PSMD2: variants seen among roughly 807,000 people sequenced by gnomAD.
The protein encoded by PSMD2 is proteasome 26S subunit ubiquitin receptor, non-ATPase 2.
A neutral mutation model predicts 101.5 loss-of-function variants in PSMD2; 8 were observed. That is an observed-to-expected ratio of 0.08 (90% confidence interval 0.05 to 0.14). The LOEUF (loss-of-function observed/expected upper bound fraction) is 0.14, where lower values mean the gene tolerates loss of function less well. Ranked by LOEUF, PSMD2 falls within the 10% of genes least tolerant of loss-of-function variation. The pLI is 1.00. For synonymous variants in PSMD2, 418 were observed against 433.8 expected (o/e 0.96, Z 0.45); for missense variants, 784 against 1,147.4 (o/e 0.68, Z 4.58).
chr3:184,303,709 A>T lies in PSMD2; in HGVS notation c.1283A>T (p.Gln428Leu), dbSNP rs749050091. Residue 428 changes from glutamine (Q) to leucine (L), a missense_variant, in exon 10 of 21, where the codon CAG becomes CTG. Gln to Leu is a moderately radical substitution (Grantham distance 113). This residue lies in a region of PSMD2 where 37 missense variants were observed against 107.0 expected (regional missense o/e 0.35). Coordinates refer to ENST00000310118, the MANE Select transcript of PSMD2 (RefSeq NM_002808.5). Reference sequence around the variant, plus strand: ...TGGGATGTGGATGGTGGCCTCACCCAGATTGACAAGTACCTGTACTCCTCT... The same window carrying T: ...TGGGATGTGGATGGTGGCCTCACCCTGATTGACAAGTACCTGTACTCCTCT... Reference protein sequence around the residue: ...LLWDVDGGLTQIDKYLYSSED... With the variant: ...LLWDVDGGLTLIDKYLYSSED... 5.6e-6 allele frequency: 9 copies of T among 1,614,248 alleles called. No homozygotes were observed. The South Asian group carries it at 9.9e-5, about 18-fold the overall frequency.
intron 3 of PSMD2, 92 bp from the exon 4 acceptor site, chr3:184,301,445 C>G: frequency 6.8e-7 from 1 of 1,480,702 alleles, no homozygotes; most frequent in South Asian, 1.2e-5. Flanking sequence ...GTAGTTAGTT[C>G]AGTTTCGGAG....
intron 2 of PSMD2, 31 bp downstream of exon 2, chr3:184,299,938 A>C (rs1280631236): frequency 6.3e-7 from 1 of 1,596,272 alleles, no homozygotes; most frequent in Non-Finnish European, 8.6e-7. Flanking sequence ...GATTCGGTGC[A>C]TGTTTGGATC....
rs1470875538 is a variant in PSMD2, at chr3:184,309,045, C to T, written c.*155C>T. 2.6e-6 allele frequency: 2 copies of T among 765,520 alleles called. No individual in the cohort carries two copies. The highest frequency in any genetic ancestry group is 2.6e-5 in the East Asian group (1 of 39,134). 47.4% of individuals were successfully genotyped at this position (765,520 alleles called of 1,614,324 possible). ...AAGGTTGTTCAATAAAGACTTTTAT[C>T]CCCAAGGTCTCTCTGTGTCTGTTTT... On this transcript the variant is annotated 3_prime_UTR_variant, in exon 21 of 21. Coordinates refer to ENST00000310118, the MANE Select transcript of PSMD2 (RefSeq NM_002808.5).
At position 184,304,447 on chromosome 3, in the gene PSMD2, C is replaced by G; in HGVS notation, c.1539+56C>G. 2 of 1,517,142 alleles carry G rather than the reference C, an allele frequency of 1.3e-6. No homozygotes were observed. Among genetic ancestry groups the G allele is most frequent in the South Asian group, 2.2e-5 (2 of 89,114 alleles). 94.0% of individuals were successfully genotyped at this position (1,517,142 alleles called of 1,614,324 possible). A position where few individuals can be genotyped will look rare whatever the true frequency, so the allele number is the denominator to read the frequency against. On this transcript the variant is annotated intron_variant, in intron 12 of 20. Coordinates refer to ENST00000310118, the MANE Select transcript of PSMD2 (RefSeq NM_002808.5). This position sits in a 1 kb window ranked among gnomAD's most constrained non-coding sequence, Gnocchi z 4.1. ...AGTAGGGAAGGTGCTTTGAGTCTTACTTTCTGTGATAAATAATGAAAAAGA... is the reference window on the plus strand; with the variant it reads ...AGTAGGGAAGGTGCTTTGAGTCTTAGTTTCTGTGATAAATAATGAAAAAGA...
rs528702009 is a variant in PSMD2 at position 184,304,846 on chromosome 3, C to T, written c.1539+455C>T. Among the ~76,000 whole-genome samples the T allele has an allele frequency of 6.6e-6, 1 of 152,102 alleles. No homozygotes were observed. The highest frequency in any genetic ancestry group is 2.4e-5 in the African/African-American group (1 of 41,478). The stretch of plus-strand genomic sequence containing the variant: ...TGGAGGTTGCAGTGAGCTGAGATCG[C>T]GCCACTGCACTCCAGTCTGGGTTAC... On this transcript the variant is annotated intron_variant, in intron 12 of 20. Transcript: ENST00000310118. This position sits in a 1 kb window ranked among gnomAD's most constrained non-coding sequence, Gnocchi z 4.1.
At position 184,307,426 on chromosome 3, in the gene PSMD2, C is replaced by T; in HGVS notation, c.2104C>T (p.Pro702Ser). ...ACTGGCCCTCATCTCTGTTTCAAAT[C>T]CACGACTCAACATCCTGGATACCCT... ...LALALISVSNPRLNILDTLSK... is the reference protein window; with the variant it reads ...LALALISVSNSRLNILDTLSK... The change falls in exon 17 of 21, where the codon CCA becomes TCA. Residue 702 changes from proline (P) to serine (S), a missense_variant. By Grantham distance (74) the Pro-to-Ser change is moderately conservative. This residue lies in a region of PSMD2 where 282 missense variants were observed against 437.6 expected (regional missense o/e 0.64). Transcript: ENST00000310118. The T allele has an allele frequency of 1.9e-6, 3 of 1,614,172 alleles. No homozygotes were observed. The highest frequency in any genetic ancestry group is 2.5e-6 in the Non-Finnish European group (3 of 1,180,010).
chr3:184,302,633 G>A (rs1207071574), intron 6 of PSMD2, 46 bp from the exon 7 acceptor site: 2 of 1,613,268 alleles, frequency 1.2e-6, no homozygotes, highest in Non-Finnish European at 1.7e-6. Context: ...GTTTTCCTGT[G>A]CCCTTAGTGG....
intron 5 of PSMD2, 37 bp from the exon 6 acceptor site, chr3:184,302,333 G>T: frequency 6.2e-7 from 1 of 1,600,404 alleles, no homozygotes; most frequent in Non-Finnish European, 8.5e-7. Flanking sequence ...TGAGTGCCTG[G>T]GACTTTCTGA....
Position 184,301,913 on chromosome 3 carries a change from G to C in PSMD2, c.546G>C (p.Glu182Asp), listed in dbSNP as rs1448763536. ...ELDDAEKVQREPLLTLVKEIV... is the reference protein window; with the variant it reads ...ELDDAEKVQRDPLLTLVKEIV... ...ATGACGCAGAGAAGGTCCAGCGGGA[G>C]CCTCTGCTCACTCTGGTGAAGGAAA... is the stretch of plus-strand genomic sequence containing the variant. Residue 182 changes from glutamate (E) to aspartate (D), a missense_variant, in exon 5 of 21, where the codon GAG becomes GAC. Transcript: ENST00000310118. 5.0e-6 allele frequency: 8 copies of C among 1,614,232 alleles called. No individual in the cohort carries two copies. The highest frequency in any genetic ancestry group is 6.8e-6 in the Non-Finnish European group (8 of 1,180,042).
chr3:184,303,206 G>A (rs1368464548), intron 8 of PSMD2, 114 bp from the exon 9 acceptor site: 2 of 1,502,720 alleles, frequency 1.3e-6, no homozygotes, highest in East Asian at 2.3e-5. Flanking sequence ...GGGGGGTATA[G>A]GTAGAGGATA....
At chr3:184,299,434 G>T in intron 1 of PSMD2, 33 bp downstream of exon 1, 1 of 1,327,058 alleles carries the variant, frequency 7.5e-7, no homozygotes, top group Non-Finnish European at 9.6e-7. Context: ...GGCGAAGGAG[G>T]CTGCGGGGCT....
rs1721830391 is a variant in PSMD2 at position 184,306,331 on chromosome 3, C to T, written c.1805-19C>T. The T allele has an allele frequency of 6.2e-7, 1 of 1,610,360 alleles. No homozygotes were observed. Among genetic ancestry groups the T allele is most frequent in the African/African-American group, 1.3e-5 (1 of 74,518 alleles). ...TAACTTCTCATTTCTGTCCATTCTC[C>T]CTCACCACCCTGACGCAGGCTCTGG... On this transcript the variant is annotated intron_variant, in intron 14 of 20. Transcript: ENST00000310118.
Position 184,305,616 on chromosome 3 carries a change from A to G in PSMD2, c.1540-152A>G, listed in dbSNP as rs946453688. On this transcript the variant is annotated intron_variant, in intron 12 of 20. Coordinates refer to ENST00000310118, the MANE Select transcript of PSMD2 (RefSeq NM_002808.5). ...GTGGCTGGCATATAGTATATACTCA[A>G]TGAATAATGACTACTATTGTTATTT... 6 of 731,460 alleles carry G rather than the reference A, an allele frequency of 8.2e-6. No individual in the cohort carries two copies. The African/African-American group carries it at 1.1e-4, about 13-fold the overall frequency. 45.3% of individuals were successfully genotyped at this position (731,460 alleles called of 1,614,324 possible).
In PSMD2 at chr3:184,299,245, C is replaced by G. The variant is rs781340225; in HGVS notation, c.-22C>G. On this transcript the variant is annotated 5_prime_UTR_variant, in exon 1 of 21. Transcript: ENST00000310118. ...GCGGTGCGAGCGGGTGCGCGCGCAG[C>G]GGGCCGGCAGTGGCGGCGGAGATGG... 3 of 1,306,254 alleles carry G rather than the reference C, an allele frequency of 2.3e-6. No homozygotes were observed. In the African/African-American group the frequency reaches 4.6e-5, roughly 20 times the overall value. 80.9% of individuals were successfully genotyped at this position (1,306,254 alleles called of 1,614,324 possible).
chr3:184,300,606 G>T, intron 3 of PSMD2, 162 bp downstream of exon 3: 2 of 1,416,876 alleles, frequency 1.4e-6, no homozygotes, highest in Non-Finnish European at 9.2e-7. Flanking sequence ...GAGCTGAAAG[G>T]AAGGTCAGCT....
chr3:184,307,673 G>T lies in PSMD2; in HGVS notation c.2263G>T (p.Asp755Tyr). 2 of 1,614,090 alleles carry T rather than the reference G, an allele frequency of 1.2e-6. No homozygotes were observed. Among genetic ancestry groups the T allele is most frequent in the South Asian group, 1.1e-5 (1 of 91,078 alleles). ...LRQLAQYHAK[D>Y]PNNLFMVRLA... ...CCAGTTAGCTCAATATCATGCCAAG[G>T]ACCCAAACAACCTCTTCATGGTGCG... Residue 755 changes from aspartate to tyrosine, a missense_variant, in exon 18 of 21, where the codon GAC becomes TAC. Physicochemically the swap from Asp to Tyr is radical, Grantham distance 160. Around this residue, in one of 6 missense-constraint regions of PSMD2, gnomAD observed 282 missense variants for 437.6 expected, o/e 0.64. Coordinates refer to ENST00000310118, the MANE Select transcript of PSMD2 (RefSeq NM_002808.5).
chr3:184,307,961 G>T lies in PSMD2; in HGVS notation c.2370G>T (p.Gln790His), dbSNP rs751880328. 1 of 1,614,170 alleles carries T rather than the reference G, an allele frequency of 6.2e-7. No individual in the cohort carries two copies. The highest frequency in any genetic ancestry group is 1.1e-5 in the South Asian group (1 of 91,084). ...PYHSDRQLMS[Q>H]VAVAGLLTVL... ...ACAGCGACCGGCAGCTTATGAGCCA[G>T]GTGGCCGTGGCTGGACTGCTCACTG... Residue 790 changes from glutamine to histidine, a missense_variant, in exon 19 of 21, where the codon CAG (glutamine) becomes CAT (histidine). Gln to His is a conservative substitution (Grantham distance 24). Around this residue, in one of 6 missense-constraint regions of PSMD2, gnomAD observed 282 missense variants for 437.6 expected, o/e 0.64. Coordinates refer to ENST00000310118, the MANE Select transcript of PSMD2 (RefSeq NM_002808.5).
At chr3:184,307,081 A>C (rs564605704) in intron 16 of PSMD2, among the ~76,000 whole-genome samples, 303 of 152,196 alleles carry the variant, frequency 2.0e-3, no homozygotes, top group Admixed American at 3.5e-3. Flanking sequence ...AGTAGCTGGG[A>C]CTACAGGCAC....
At chr3:184,307,038 G>A (rs550825050) in intron 16 of PSMD2, among the ~76,000 whole-genome samples, 3 of 152,142 alleles carry the variant, frequency 2.0e-5, no homozygotes, top group Admixed American at 6.5e-5. Context: ...TCTGCCTCCC[G>A]GGTTCAGGTG....
Sources: gnomAD v4.1 joint callset for allele counts (sites outside exome capture counted in the v4.1 genomes callset) on GRCh38, gnomAD v4.1.1 for gene constraint, gnomAD v4.1.1 regional missense constraint, Gnocchi (gnomAD v3.1) non-coding constraint, MANE v1.5 for transcripts, NCBI Gene and HGNC (gene_info 2026-07-23, HGNC 2026-07-21) for gene names.